The following GRM5 variants were observed in gnomAD, a reference collection of about 807,000 sequenced individuals.
GRM5 encodes glutamate metabotropic receptor 5.
Under a neutral mutation model 83.1 loss-of-function variants are expected in GRM5, and 19 were observed. The observed-to-expected ratio is 0.23, with a 90% confidence interval of 0.16 to 0.34. GRM5 has a LOEUF of 0.34. Ranked by LOEUF, GRM5 falls within the 10% of genes least tolerant of loss-of-function variation. GRM5 has a pLI of 1.00. For synonymous variants in GRM5, 675 were observed against 633.6 expected, an observed-to-expected ratio of 1.07 and a Z score of -0.98; for missense variants, 1,160 against 1,588.3, an observed-to-expected ratio of 0.73 and a Z score of 4.58.
chr11:88,696,629 T>A (rs113501986), intron 3 of GRM5, among the ~76,000 whole-genome samples: 1 of 152,204 alleles, frequency 6.6e-6, no homozygotes, highest in African/African-American at 2.4e-5. Flanking sequence ...CATTTGATAT[T>A]TGATAATGAA....
chr11:88,717,831 CA>C (rs1941433026), intron 3 of GRM5, among the ~76,000 whole-genome samples: 2 of 150,132 alleles, frequency 1.3e-5, no homozygotes, highest in Non-Finnish European at 1.5e-5. Flanking sequence ...GTGTTCTGCT[CA>C]AAACATCTCT....
intron 2 of GRM5, among the ~76,000 whole-genome samples, chr11:89,045,000 T>C (rs1441706902): frequency 6.6e-6 from 1 of 152,134 alleles, no homozygotes; most frequent in East Asian, 1.9e-4. Flanking sequence ...ATCATAAGAC[T>C]TAACACTACA....
chr11:88,881,454 A>G (rs1944952562), intron 2 of GRM5, among the ~76,000 whole-genome samples: 1 of 151,938 alleles, frequency 6.6e-6, no homozygotes. Context: ...CGATAAAATA[A>G]TGATATTAAA....
At chr11:88,861,052 A>C in intron 2 of GRM5, among the ~76,000 whole-genome samples, 1 of 152,292 alleles carries the variant, frequency 6.6e-6, no homozygotes, top group African/African-American at 2.4e-5. Flanking sequence ...GGGTTAAATA[A>C]AATGTATTAT....
chr11:88,967,067 C>T (rs1938998188), intron 2 of GRM5, among the ~76,000 whole-genome samples: 1 of 151,846 alleles, frequency 6.6e-6, no homozygotes, highest in Non-Finnish European at 1.5e-5. Flanking sequence ...AATTTGAGAC[C>T]AATCTAAGTG....
At chr11:88,653,476 T>G (rs1474166669) in intron 3 of GRM5, 73 bp from the exon 4 acceptor site, 1 of 979,270 alleles carries the variant, frequency 1.0e-6, no homozygotes, top group Non-Finnish European at 1.6e-6. Flanking sequence ...TGCTTTCCTT[T>G]TGACAAGATT....
chr11:88,952,374 A>G (rs1443626036), intron 2 of GRM5, among the ~76,000 whole-genome samples: 5 of 152,174 alleles, frequency 3.3e-5, no homozygotes, highest in Non-Finnish European at 5.9e-5. Flanking sequence ...AATCCCTGTT[A>G]ATTGGTATGT....
At chr11:88,744,115 G>T (rs1452467053) in intron 3 of GRM5, among the ~76,000 whole-genome samples, 2 of 152,032 alleles carry the variant, frequency 1.3e-5, no homozygotes, top group African/African-American at 2.4e-5. Flanking sequence ...ATTTCCTAAG[G>T]TCTAAATTTA....
At chr11:89,034,250 C>G (rs1258980061) in intron 2 of GRM5, among the ~76,000 whole-genome samples, 1 of 151,776 alleles carries the variant, frequency 6.6e-6, no homozygotes, top group Non-Finnish European at 1.5e-5. Flanking sequence ...TCAAAGGGAA[C>G]AGTACTGATG....
intron 3 of GRM5, among the ~76,000 whole-genome samples, chr11:88,709,429 T>C (rs1174296008): frequency 2.0e-5 from 3 of 152,062 alleles, no homozygotes; most frequent in African/African-American, 7.2e-5. Context: ...CTGGGATGAC[T>C]TGATTTGCAA....
chr11:88,543,526 G>C (rs1942318133), intron 8 of GRM5, among the ~76,000 whole-genome samples: 1 of 148,864 alleles, frequency 6.7e-6, no homozygotes, highest in Admixed American at 6.7e-5. Context: ...TGCTGAATGA[G>C]AGAATAAATA....
chr11:88,716,906 G>A (rs1010233475), intron 3 of GRM5, among the ~76,000 whole-genome samples: 2 of 151,750 alleles, frequency 1.3e-5, no homozygotes, highest in East Asian at 3.9e-4. Context: ...TTTTTTCTAA[G>A]GCCCAGAATG....
chr11:88,531,263 G>C (rs1942001241), intron 8 of GRM5, among the ~76,000 whole-genome samples: 1 of 152,036 alleles, frequency 6.6e-6, no homozygotes, highest in South Asian at 2.1e-4. Flanking sequence ...CCTTAGGAGG[G>C]AATTGGGTTT....
intron 4 of GRM5, among the ~76,000 whole-genome samples, chr11:88,642,259 A>T (rs1939315523): frequency 6.6e-6 from 1 of 152,164 alleles, no homozygotes; most frequent in African/African-American, 2.4e-5. Context: ...AGTGGCCTGG[A>T]TGTGGGTAAC....
At chr11:88,728,561 GAC>G (rs1591471566) in intron 3 of GRM5, among the ~76,000 whole-genome samples, 1 of 152,012 alleles carries the variant, frequency 6.6e-6, no homozygotes, top group Admixed American at 6.6e-5. Flanking sequence ...ACCTGGCAGA[GAC>G]ACAACAAAAA....
intron 3 of GRM5, among the ~76,000 whole-genome samples, chr11:88,762,545 T>G (rs1942544684): frequency 6.6e-6 from 1 of 151,834 alleles, no homozygotes; most frequent in South Asian, 2.1e-4. Context: ...GCTGGCAAGG[T>G]TCCTTAGAAA....
chr11:88,671,266 A>G (rs1271131431), intron 3 of GRM5, among the ~76,000 whole-genome samples: 1 of 151,976 alleles, frequency 6.6e-6, no homozygotes, highest in Admixed American at 6.6e-5. Context: ...GACAGATTCC[A>G]ACTCTGCCAT....
chr11:89,014,076 G>A (rs546022261), intron 2 of GRM5, among the ~76,000 whole-genome samples: 91 of 152,238 alleles, frequency 6.0e-4, no homozygotes, highest in African/African-American at 2.2e-3. Context: ...ATAGTCACAA[G>A]TATATCCATT....
At chr11:88,684,159 G>C (rs1940563534) in intron 3 of GRM5, among the ~76,000 whole-genome samples, 1 of 152,190 alleles carries the variant, frequency 6.6e-6, no homozygotes, top group Admixed American at 6.5e-5. Flanking sequence ...ATTGCGGCTG[G>C]AGCATAATGT....
Sources: gnomAD v4.1 joint callset for allele counts (sites outside exome capture counted in the v4.1 genomes callset) on GRCh38, gnomAD v4.1.1 for gene constraint, MANE v1.5 for transcripts, NCBI Gene and HGNC (gene_info 2026-07-23, HGNC 2026-07-21) for gene names.